RBM14: variants seen among roughly 807,000 people sequenced by gnomAD.
The protein encoded by RBM14 is RNA binding motif protein 14.
A neutral mutation model predicts 52.8 loss-of-function variants in RBM14; 5 were observed. The observed-to-expected ratio is 0.09, with a 90% CI of 0.05 to 0.20. The LOEUF is 0.20. Among genes scored for constraint, RBM14 ranks in the 10% least tolerant of loss-of-function variants. The pLI is 1.00. For missense variants in RBM14, 780 were observed against 926.6 expected, an observed-to-expected ratio of 0.84 and a Z score of 2.05; for synonymous variants, 411 against 401.8, an observed-to-expected ratio of 1.02 and a Z score of -0.28.
chr11:66,627,978 A>T lies in RBM14; in HGVS notation c.*1310A>T, dbSNP rs1317477280. Reference sequence around the variant, plus strand: ...CTCCTGTGTCCTGCCAACCCCTGCCATTATAGTCACCGGAGACTCCTTTAC... The same window carrying T: ...CTCCTGTGTCCTGCCAACCCCTGCCTTTATAGTCACCGGAGACTCCTTTAC... On this transcript the variant is annotated 3_prime_UTR_variant, in exon 3 of 3. Coordinates refer to ENST00000310137, the MANE Select transcript of RBM14 (RefSeq NM_006328.4). 2.0e-5 allele frequency among the ~76,000 whole-genome samples: 3 copies of T among 152,106 alleles called. No individual in the cohort carries two copies. The South Asian group carries it at 6.2e-4, about 32-fold the overall frequency.
rs145934695 is a variant in RBM14 at position 66,626,409 on chromosome 11, G to C, written c.1803-52G>C. 7.9e-5 allele frequency: 122 copies of C among 1,535,790 alleles called. No individual in the cohort carries two copies. The African/African-American group carries it at 1.4e-3, about 17-fold the overall frequency. On this transcript the variant is annotated intron_variant, in intron 2 of 2. Transcript: ENST00000310137. ...TTGGCATCTCCCCAATGCCCACCTG[G>C]AGTCCTCCCCTCAATTGTCTCATTC...
intron 1 of RBM14, chr11:66,617,282 C>G (rs1858881805): frequency 1.5e-6 from 2 of 1,347,604 alleles, no homozygotes; most frequent in South Asian, 3.9e-5. Flanking sequence ...GGTGCGGCGG[C>G]CACTGCGAGC....
In RBM14 at chr11:66,624,656, C is replaced by G. The variant is rs1215537963; in HGVS notation, c.780C>G (p.Gly260=). Residue 260 remains glycine (G), a synonymous_variant, in exon 2 of 3, where the codon GGC becomes GGG. Coordinates refer to ENST00000310137, the MANE Select transcript of RBM14 (RefSeq NM_006328.4). This position sits in a 1 kb window ranked among gnomAD's most constrained non-coding sequence, Gnocchi z 4.7. ...AGCCTTCTGCCTCTTTGGGTGTTGG[C>G]TATCGGACTCAGCCCATGACAGCCC... ...RAQPSASLGV[G]YRTQPMTAQA... The G allele has an allele frequency of 1.2e-6, 2 of 1,613,420 alleles. No individual in the cohort carries two copies. Among genetic ancestry groups the G allele is most frequent in the Non-Finnish European group, 1.7e-6 (2 of 1,179,932 alleles).
chr11:66,616,640 A>G lies in RBM14; in HGVS notation c.-81A>G. ...TCTCGGTCGCCAGCCATTCCTGAGG[A>G]GGACTGCCGGTCGTTCGGACGTCTT... On this transcript the variant is annotated 5_prime_UTR_variant, in exon 1 of 3. Coordinates refer to ENST00000310137, the MANE Select transcript of RBM14 (RefSeq NM_006328.4). 2 of 1,473,592 alleles carry G rather than the reference A, an allele frequency of 1.4e-6. No individual in the cohort carries two copies. The highest frequency in any genetic ancestry group is 2.8e-5 in the South Asian group (2 of 72,526). The allele number at this position is 1,473,592 out of a possible 1,614,324, so 91.3% of individuals were successfully genotyped here. A position where few individuals can be genotyped will look rare whatever the true frequency, so the allele number is the denominator to read the frequency against.
chr11:66,624,591 G>A lies in RBM14; in HGVS notation c.715G>A (p.Ala239Thr). ...PLTAQPATYRAQPSVSLGAAY... is the reference protein window; with the variant it reads ...PLTAQPATYRTQPSVSLGAAY... ...GACGGCCCAGCCAGCTACCTACCGG[G>A]CCCAGCCGTCCGTGTCACTGGGAGC... Residue 239 changes from alanine (A) to threonine (T), a missense_variant, in exon 2 of 3, where the codon GCC becomes ACC. Ala to Thr is a moderately conservative substitution (Grantham distance 58). Around this residue, in one of 4 missense-constraint regions of RBM14, gnomAD observed 675 missense variants for 697.3 expected, o/e 0.97. Coordinates refer to ENST00000310137, the MANE Select transcript of RBM14 (RefSeq NM_006328.4). The surrounding 1 kb of genome is among the most constrained non-coding windows in gnomAD (Gnocchi z 4.7). 1 of 1,612,032 alleles carries A rather than the reference G, an allele frequency of 6.2e-7. No homozygotes were observed. The highest frequency in any genetic ancestry group is 1.3e-5 in the African/African-American group (1 of 75,032).
In RBM14 at chr11:66,625,695, C is replaced by G. The variant is rs184980438; in HGVS notation, c.1802+17C>G. On this transcript the variant is annotated intron_variant, in intron 2 of 2. Coordinates refer to ENST00000310137, the MANE Select transcript of RBM14 (RefSeq NM_006328.4). This position sits in a 1 kb window ranked among gnomAD's most constrained non-coding sequence, Gnocchi z 4.2. Reference sequence around the variant, plus strand: ...GTCGAAAAGGTACTGTATGCCCCCCCGCCTCTGCCCCCAGCTGGGGCTTAG... The same window carrying G: ...GTCGAAAAGGTACTGTATGCCCCCCGGCCTCTGCCCCCAGCTGGGGCTTAG... The G allele has an allele frequency of 2.6e-6, 4 of 1,553,696 alleles. No homozygotes were observed. The Admixed American group carries it at 7.1e-5, about 28-fold the overall frequency.
chr11:66,624,706 C>G lies in RBM14; in HGVS notation c.830C>G (p.Pro277Arg), dbSNP rs1937706289. 4 of 1,613,994 alleles carry G rather than the reference C, an allele frequency of 2.5e-6. No individual in the cohort carries two copies. Among genetic ancestry groups the G allele is most frequent in the Non-Finnish European group, 3.4e-6 (4 of 1,179,960 alleles). Reference protein sequence around the residue: ...TAQAASYRAQPSVSLGAPYRG... With the variant: ...TAQAASYRAQRSVSLGAPYRG... Reference sequence around the variant, plus strand: ...CAGGCAGCCTCTTACCGCGCTCAGCCCTCTGTCTCCCTTGGGGCACCATAC... The same window carrying G: ...CAGGCAGCCTCTTACCGCGCTCAGCGCTCTGTCTCCCTTGGGGCACCATAC... Residue 277 changes from proline (P) to arginine (R), a missense_variant, in exon 2 of 3, where the codon CCC becomes CGC. Transcript: ENST00000310137. The surrounding 1 kb of genome is among the most constrained non-coding windows in gnomAD (Gnocchi z 4.7).
Position 66,626,533 on chromosome 11 carries a change from C to T in RBM14, c.1875C>T (p.Arg625=). The change falls in exon 3 of 3, where the codon CGC becomes CGT. Residue 625 remains arginine (R), a synonymous_variant. Coordinates refer to ENST00000310137, the MANE Select transcript of RBM14 (RefSeq NM_006328.4). ...RRLSESQLSF[R]RSPTKSSLDY... ...TATCAGAGTCGCAGCTTTCGTTCCG[C>T]CGCTCGCCGACAAAGTCCTCGCTGG... 3.1e-6 allele frequency: 5 copies of T among 1,614,040 alleles called. No homozygotes were observed. The South Asian group carries it at 4.4e-5, about 14-fold the overall frequency.
rs1310359866 is a variant in RBM14 at position 66,628,206 on chromosome 11, A to G, written c.*1538A>G. 6.6e-6 allele frequency among the ~76,000 whole-genome samples: 1 copy of G among 152,140 alleles called. No homozygotes were observed. Among genetic ancestry groups the G allele is most frequent in the Non-Finnish European group, 1.5e-5 (1 of 68,028 alleles). On this transcript the variant is annotated 3_prime_UTR_variant, in exon 3 of 3. Coordinates refer to ENST00000310137, the MANE Select transcript of RBM14 (RefSeq NM_006328.4). ...AATATGACATTTCCAACCAGGGACA[A>G]AATGGAGGCTTGGGCTTAGTGATGG...
At position 66,629,430 on chromosome 11, in the gene RBM14, T is replaced by C. The variant is rs1043103862; in HGVS notation, c.*2762T>C. On this transcript the variant is annotated 3_prime_UTR_variant, in exon 3 of 3. Coordinates refer to ENST00000310137, the MANE Select transcript of RBM14 (RefSeq NM_006328.4). ...GCATGGTGGGCTTGAGACTCTCTTGTAATGGAGGTAATGGGACTATCACTG... is the reference window on the plus strand; with the variant it reads ...GCATGGTGGGCTTGAGACTCTCTTGCAATGGAGGTAATGGGACTATCACTG... 6.6e-6 allele frequency among the ~76,000 whole-genome samples: 1 copy of C among 152,162 alleles called. No homozygotes were observed. Among genetic ancestry groups the C allele is most frequent in the Admixed American group, 6.5e-5 (1 of 15,274 alleles).
chr11:66,619,037 C>T (rs1366915642), intron 1 of RBM14: 1 of 157,084 alleles, frequency 6.4e-6, no homozygotes, highest in Admixed American at 6.4e-5. Context: ...TGTAACAGAG[C>T]TCCTGACATA....
In RBM14 at chr11:66,625,245, A is replaced by G. The variant is rs544060807; in HGVS notation, c.1369A>G (p.Met457Val). ...CTACGCCGCACAAGCCACTACCCCA[A>G]TGGCTGGCTCCTATGGGGCCCAGCC... Reference protein sequence around the residue: ...AAYAAQATTPMAGSYGAQPVV... With the variant: ...AAYAAQATTPVAGSYGAQPVV... The change falls in exon 2 of 3, where the codon ATG (methionine) becomes GTG (valine). Residue 457 changes from methionine to valine, a missense_variant. Met to Val is a conservative substitution (Grantham distance 21). Around this residue, in one of 4 missense-constraint regions of RBM14, gnomAD observed 675 missense variants for 697.3 expected, o/e 0.97. Coordinates refer to ENST00000310137, the MANE Select transcript of RBM14 (RefSeq NM_006328.4). The surrounding 1 kb of genome is among the most constrained non-coding windows in gnomAD (Gnocchi z 4.2). 5.9e-5 allele frequency: 95 copies of G among 1,610,952 alleles called. 2 individuals carry two copies. The South Asian group carries it at 7.9e-4, about 13-fold the overall frequency.
At chr11:66,623,640 G>T (rs1251883060) in intron 1 of RBM14, among the ~76,000 whole-genome samples, 3 of 152,282 alleles carry the variant, frequency 2.0e-5, no homozygotes, top group African/African-American at 7.2e-5. Context: ...AACTTGGGAA[G>T]TACTGTGAAA....
In RBM14 at chr11:66,624,732, A is replaced by G. The variant is rs1207753692; in HGVS notation, c.856A>G (p.Arg286Gly). The G allele has an allele frequency of 3.1e-6, 5 of 1,613,752 alleles. No individual in the cohort carries two copies. Among genetic ancestry groups the G allele is most frequent in the Non-Finnish European group, 2.5e-6 (3 of 1,179,928 alleles). ...QPSVSLGAPYRGQLASPSSQS... is the reference protein window; with the variant it reads ...QPSVSLGAPYGGQLASPSSQS... ...CTCTGTCTCCCTTGGGGCACCATAC[A>G]GGGGCCAGCTGGCTAGTCCTAGCTC... Residue 286 changes from arginine (R) to glycine (G), a missense_variant, in exon 2 of 3, where the codon AGG becomes GGG. By Grantham distance (125) the Arg-to-Gly change is moderately radical (BLOSUM62 -2). Coordinates refer to ENST00000310137, the MANE Select transcript of RBM14 (RefSeq NM_006328.4). The surrounding 1 kb of genome is among the most constrained non-coding windows in gnomAD (Gnocchi z 4.7).
intron 1 of RBM14, chr11:66,617,335 T>G: frequency 8.0e-7 from 1 of 1,248,782 alleles, no homozygotes; most frequent in Non-Finnish European, 1.0e-6. Context: ...CTTGCGAGTG[T>G]TCCGGGGGCG....
chr11:66,624,523 C>G lies in RBM14; in HGVS notation c.647C>G (p.Pro216Arg). 1 of 1,613,684 alleles carries G rather than the reference C, an allele frequency of 6.2e-7. No homozygotes were observed. Among genetic ancestry groups the G allele is most frequent in the East Asian group, 2.2e-5 (1 of 44,880 alleles). ...TPPFFGRDRS[P>R]LRRSPPRASY... ...CCCTTCTTTGGTCGCGACCGCAGCC[C>G]TCTGCGCCGTTCACCTCCCCGAGCC... The change falls in exon 2 of 3, where the codon CCT (proline) becomes CGT (arginine). Residue 216 changes from proline to arginine, a missense_variant. Around this residue, in one of 4 missense-constraint regions of RBM14, gnomAD observed 675 missense variants for 697.3 expected, o/e 0.97. Transcript: ENST00000310137. This position sits in a 1 kb window ranked among gnomAD's most constrained non-coding sequence, Gnocchi z 4.7.
chr11:66,625,093 C>A lies in RBM14; in HGVS notation c.1217C>A (p.Pro406His). 1 of 1,613,598 alleles carries A rather than the reference C, an allele frequency of 6.2e-7. No homozygotes were observed. The highest frequency in any genetic ancestry group is 8.5e-7 in the Non-Finnish European group (1 of 1,179,984). Reference protein sequence around the residue: ...GAQAASYNAQPSASYNAQSAP... With the variant: ...GAQAASYNAQHSASYNAQSAP... ...CAGGCAGCTTCATATAATGCCCAGC[C>A]CTCGGCCTCTTACAATGCCCAGTCT... is the stretch of plus-strand genomic sequence containing the variant. The change falls in exon 2 of 3, where the codon CCC (proline) becomes CAC (histidine). Residue 406 changes from proline to histidine, a missense_variant. Physicochemically the swap from Pro to His is moderately conservative, Grantham distance 77. Coordinates refer to ENST00000310137, the MANE Select transcript of RBM14 (RefSeq NM_006328.4). The surrounding 1 kb of genome is among the most constrained non-coding windows in gnomAD (Gnocchi z 4.2).
Position 66,624,962 on chromosome 11 carries a change from T to C in RBM14, c.1086T>C (p.Ala362=). ...AASSYGVRAA[A]SSYNTQGAAS... ...CTTCCTATGGGGTTCGTGCAGCTGC[T>C]TCTTCCTACAACACCCAGGGAGCAG... The change falls in exon 2 of 3, where the codon GCT becomes GCC. Residue 362 remains alanine (A), a synonymous_variant. Transcript: ENST00000310137. This position sits in a 1 kb window ranked among gnomAD's most constrained non-coding sequence, Gnocchi z 4.7. 1 of 1,613,920 alleles carries C rather than the reference T, an allele frequency of 6.2e-7. No individual in the cohort carries two copies. The highest frequency in any genetic ancestry group is 1.6e-4 in the Middle Eastern group (1 of 6,062).
At position 66,628,168 on chromosome 11, in the gene RBM14, G is replaced by A. The variant is rs1937901499; in HGVS notation, c.*1500G>A. On this transcript the variant is annotated 3_prime_UTR_variant, in exon 3 of 3. Coordinates refer to ENST00000310137, the MANE Select transcript of RBM14 (RefSeq NM_006328.4). ...TTTTATTGTAGGGCTGGGGATCGAG[G>A]ATCTGGGCAAAAAATATGACATTTC... Among the ~76,000 whole-genome samples, 1 of 152,128 alleles carries A rather than the reference G, an allele frequency of 6.6e-6. No homozygotes were observed. The highest frequency in any genetic ancestry group is 1.5e-5 in the Non-Finnish European group (1 of 68,028).
Sources: allele counts gnomAD v4.1 joint callset (sites outside exome capture counted in the v4.1 genomes callset), GRCh38; gene constraint gnomAD v4.1.1; regional missense constraint gnomAD v4.1.1; non-coding constraint Gnocchi (gnomAD v3.1); transcripts MANE v1.5; gene names NCBI Gene and HGNC (gene_info 2026-07-23, HGNC 2026-07-21).